Variants in TMC5 observed in about 807,000 individuals in gnomAD.
The protein encoded by TMC5 is transmembrane channel-like protein 5.
In TMC5, 86 loss-of-function variants were observed where a neutral mutation model predicts 110.5. That is an observed-to-expected ratio of 0.78 (90% CI 0.65 to 0.93). TMC5 has a LOEUF of 0.93. Ranked by LOEUF, TMC5 falls within the 40% of genes least tolerant of loss-of-function variation. The pLI is 0.00. For missense variants in TMC5, 1,144 were observed against 1,222.8 expected, an observed-to-expected ratio of 0.94 and a Z score of 0.96; for synonymous variants, 455 against 439.5, an observed-to-expected ratio of 1.04 and a Z score of -0.44.
intron 3 of TMC5, among the ~76,000 whole-genome samples, chr16:19,443,586 A>G (rs951451158): frequency 1.3e-5 from 2 of 152,186 alleles, no homozygotes; most frequent in Non-Finnish European, 2.9e-5. Context: ...CAGGTACCCC[A>G]TGTTTTCCTC....
chr16:19,469,353 T>TAA (rs11333063), intron 9 of TMC5, among the ~76,000 whole-genome samples: 2 of 141,290 alleles, frequency 1.4e-5, no homozygotes, highest in African/African-American at 2.7e-5. Flanking sequence ...AAACTCTGTC[T>TAA]AAAAAAAAAA....
chr16:19,487,464 G>A, intron 17 of TMC5, 138 bp downstream of exon 17: 2 of 1,162,388 alleles, frequency 1.7e-6, no homozygotes, highest in South Asian at 3.3e-5. Flanking sequence ...CACTATGGGA[G>A]GCCAAGGCGG....
chr16:19,418,197 CTTATTGCCAGACG>C (rs1275313241), intron 1 of TMC5, 105 bp downstream of exon 1: 3 of 152,168 alleles, frequency 2.0e-5, no homozygotes, highest in Non-Finnish European at 1.5e-5. Flanking sequence ...TGTCGTATTG[CTTATTGCCAGACG>C]AGGGTACAGA....
intron 6 of TMC5, among the ~76,000 whole-genome samples, chr16:19,461,292 T>C (rs1968014990): frequency 6.6e-6 from 1 of 152,220 alleles, no homozygotes; most frequent in African/African-American, 2.4e-5. Context: ...AAAATAAAGA[T>C]CAGACTAGTG....
intron 10 of TMC5, among the ~76,000 whole-genome samples, chr16:19,470,990 C>T (rs1968326475): frequency 1.3e-5 from 2 of 152,132 alleles, no homozygotes; most frequent in Middle Eastern, 3.4e-3. Flanking sequence ...GAGCCAAGAT[C>T]GCGCCACTGC....
intron 2 of TMC5, among the ~76,000 whole-genome samples, chr16:19,439,387 A>G (rs1442497732): frequency 2.0e-5 from 3 of 152,226 alleles, no homozygotes; most frequent in Admixed American, 6.5e-5. Context: ...GTAATCAAAA[A>G]GCACAAAAAG....
chr16:19,491,846 A>C (rs1226321291), intron 18 of TMC5, among the ~76,000 whole-genome samples: 1 of 82,110 alleles, frequency 1.2e-5, no homozygotes, highest in African/African-American at 3.4e-5. Context: ...CATCTTAGGG[A>C]CTTTTTTTTT....
At chr16:19,444,441 A>T (rs965547905) in intron 4 of TMC5, among the ~76,000 whole-genome samples, 191 bp downstream of exon 4, 2 of 151,792 alleles carry the variant, frequency 1.3e-5, no homozygotes, top group African/African-American at 2.4e-5. Flanking sequence ...CATCAATTAT[A>T]AAAAAAATGC....
intron 4 of TMC5, among the ~76,000 whole-genome samples, chr16:19,445,327 C>G (rs1455220670): frequency 6.6e-6 from 1 of 151,736 alleles, no homozygotes; most frequent in Non-Finnish European, 1.5e-5. Flanking sequence ...ACTGCAGCCT[C>G]AAACTCCTAG....
At position 19,449,538 on chromosome 16, in the gene TMC5, C is replaced by G. The variant is rs1240510792; in HGVS notation, c.959-4C>G. The stretch of plus-strand genomic sequence containing the variant: ...CGGCAATATCTCCTTCCTCTTCCCT[C>G]CAGTGAACCCTGCTTATGTAGGTGA... On this transcript the variant is annotated splice_polypyrimidine_tract_variant and splice_region_variant and intron_variant, in intron 4 of 21. Coordinates refer to ENST00000542583, the MANE Select transcript of TMC5 (RefSeq NM_001261841.2). The G allele has an allele frequency of 4.3e-6, 7 of 1,613,444 alleles. No individual in the cohort carries two copies. Among genetic ancestry groups the G allele is most frequent in the Non-Finnish European group, 5.9e-6 (7 of 1,179,548 alleles).
intron 2 of TMC5, among the ~76,000 whole-genome samples, chr16:19,433,996 A>C (rs1162014333): frequency 8.6e-6 from 1 of 115,650 alleles, no homozygotes; most frequent in Non-Finnish European, 1.7e-5. Context: ...ATTTATATAT[A>C]TATATATTAT....
intron 18 of TMC5, among the ~76,000 whole-genome samples, chr16:19,491,286 A>T (rs1968898623): frequency 6.6e-6 from 1 of 152,088 alleles, no homozygotes; most frequent in Non-Finnish European, 1.5e-5. Context: ...TTGGGATTAC[A>T]GGTGTTAGCC....
At chr16:19,456,818 G>A in intron 5 of TMC5, 1 of 1,614,200 alleles carries the variant, frequency 6.2e-7, no homozygotes, top group East Asian at 2.2e-5. Flanking sequence ...GGTGCTGCTA[G>A]ACTCAAGCAT....
Position 19,490,655 on chromosome 16 carries a change from T to C in TMC5, c.2747+87T>C, listed in dbSNP as rs1188085151. The C allele has an allele frequency of 5.2e-6, 7 of 1,346,760 alleles. No homozygotes were observed. The East Asian group carries it at 1.1e-4, about 22-fold the overall frequency. 83.4% of individuals were successfully genotyped at this position (1,346,760 alleles called of 1,614,324 possible). On this transcript the variant is annotated intron_variant, in intron 18 of 21. Transcript: ENST00000542583. ...TAGGGATGTTTGGTTGGAAAGCAAATGGCTATAGCATAGCTCAGTGTTCTG... is the reference window on the plus strand; with the variant it reads ...TAGGGATGTTTGGTTGGAAAGCAAACGGCTATAGCATAGCTCAGTGTTCTG...
At chr16:19,431,394 T>C (rs1333335538) in intron 2 of TMC5, among the ~76,000 whole-genome samples, 1 of 151,826 alleles carries the variant, frequency 6.6e-6, no homozygotes, top group Non-Finnish European at 1.5e-5. Context: ...TACAAAAAAT[T>C]AGCTGGGCAT....
intron 1 of TMC5, among the ~76,000 whole-genome samples, chr16:19,423,261 G>A (rs1268715779): frequency 6.6e-6 from 1 of 152,160 alleles, no homozygotes; most frequent in African/African-American, 2.4e-5. Flanking sequence ...TTGTGCATTA[G>A]AGGATGGTTA....
At chr16:19,412,673 C>T (rs1264193606) in intron 1 of TMC5, among the ~76,000 whole-genome samples, 6 of 152,068 alleles carry the variant, frequency 3.9e-5, no homozygotes, top group Non-Finnish European at 8.8e-5. Flanking sequence ...CAGCCCGAGC[C>T]CACCCTTTTG....
At chr16:19,497,678 G>A (rs1277135587) in intron 21 of TMC5, among the ~76,000 whole-genome samples, 1 of 152,202 alleles carries the variant, frequency 6.6e-6, no homozygotes, top group East Asian at 1.9e-4. Flanking sequence ...AAAATCTGGG[G>A]CTGATGCCAG....
At chr16:19,466,510 C>T (rs1968194054) in intron 9 of TMC5, among the ~76,000 whole-genome samples, 3 of 152,112 alleles carry the variant, frequency 2.0e-5, no homozygotes, top group African/African-American at 7.2e-5. Context: ...TGCCACCACG[C>T]CCCGCTAATG....
Sources: gnomAD v4.1 joint callset for allele counts (sites outside exome capture counted in the v4.1 genomes callset) on GRCh38, gnomAD v4.1.1 for gene constraint, MANE v1.5 for transcripts, NCBI Gene and HGNC (gene_info 2026-07-23, HGNC 2026-07-21) for gene names.